DNMT1: variants seen among roughly 807,000 people sequenced by gnomAD.
The protein encoded by DNMT1 is DNA (cytosine-5)-methyltransferase 1.
Under a neutral mutation model 205.3 loss-of-function variants are expected in DNMT1, and 24 were observed. The ratio of observed to expected loss-of-function variants is 0.12; its 90% CI spans 0.08 to 0.16. The LOEUF is 0.16. DNMT1 is among the 10% of genes least tolerant of loss of function. The pLI is 1.00. For synonymous variants in DNMT1, 817 were observed against 839.8 expected (o/e 0.97, Z 0.47); for missense variants, 1,293 against 2,177.7 (o/e 0.59, Z 8.09).
rs372986537 is a variant in DNMT1, at chr19:10,152,270, T to TAAAA, written c.2020-427_2020-424dup. ...TTAAGACTTTTAGGTCTCAAAAAAT[T>TAAAA]AAAAAAAAAAAAAAAAAGTGAGTCA... On this transcript the variant is annotated intron_variant, in intron 22 of 40. Transcript: ENST00000359526. Among the ~76,000 whole-genome samples the TAAAA allele has an allele frequency of 1.2e-4, 12 of 97,726 alleles. 1 individual carries two copies. Among genetic ancestry groups the TAAAA allele is most frequent in the Non-Finnish European group, 2.4e-4 (11 of 46,152 alleles). The allele number at this position is 97,726 out of a possible 152,430, so 64.1% of individuals were successfully genotyped here.
intron 30 of DNMT1, 126 bp downstream of exon 30, chr19:10,141,902 C>A: frequency 8.5e-7 from 1 of 1,181,924 alleles, no homozygotes; most frequent in South Asian, 1.5e-5. Flanking sequence ...TTCACGTCAG[C>A]CAACCACCCA....
intron 29 of DNMT1, among the ~76,000 whole-genome samples, chr19:10,142,587 C>A (rs771136516): frequency 2.0e-5 from 3 of 149,462 alleles, no homozygotes; most frequent in Middle Eastern, 3.9e-3. Flanking sequence ...AAGGTAGATT[C>A]CCCCACAATT....
intron 14 of DNMT1, 99 bp downstream of exon 14, chr19:10,160,285 G>A: frequency 6.3e-7 from 1 of 1,578,708 alleles, no homozygotes; most frequent in Non-Finnish European, 8.7e-7. Flanking sequence ...ATGAGCCTAA[G>A]GTTGCTCTGG....
intron 9 of DNMT1, 61 bp downstream of exon 9, chr19:10,173,029 G>A: frequency 6.3e-7 from 1 of 1,599,610 alleles, no homozygotes; most frequent in Non-Finnish European, 8.6e-7. Flanking sequence ...GTCCTGGAAG[G>A]AAATTGGGAC....
chr19:10,173,267 A>T, intron 8 of DNMT1, 93 bp from the exon 9 acceptor site: 1 of 1,234,224 alleles, frequency 8.1e-7, no homozygotes, highest in Non-Finnish European at 1.2e-6. Flanking sequence ...CCCCAAAAGC[A>T]ATCTTCATTA....
Position 10,137,152 on chromosome 19 carries a change from G to GTAA in DNMT1, c.4421_4422insTTA (p.Thr1474_His1475insTyr). 1 of 1,610,356 alleles carries GTAA rather than the reference G, an allele frequency of 6.2e-7. No individual in the cohort carries two copies. Among genetic ancestry groups the GTAA allele is most frequent in the Non-Finnish European group, 8.5e-7 (1 of 1,179,006 alleles). On this transcript the variant is annotated inframe_insertion, in exon 37 of 41. Coordinates refer to ENST00000359526, the MANE Select transcript of DNMT1 (RefSeq NM_001130823.3). The surrounding 1 kb of genome is among the most constrained non-coding windows in gnomAD (Gnocchi z 6.4). ...TGCGGCCGTTCTTCCTGTCATGGTG[G>GTAA]GTATACCGCAGCTTCCTGGCCATGG...
At position 10,175,120 on chromosome 19, in the gene DNMT1, CACACACACATAT is replaced by C. The variant is rs1486083764; in HGVS notation, c.648+408_648+419del. ...ACACACACACACACACACACACACA[CACACACACATAT>C]ATATAACATGTATGTATGTAAGACT... On this transcript the variant is annotated intron_variant, in intron 7 of 40. Coordinates refer to ENST00000359526, the MANE Select transcript of DNMT1 (RefSeq NM_001130823.3). Among the ~76,000 whole-genome samples the C allele has an allele frequency of 2.4e-4, 29 of 122,370 alleles. No individual in the cohort carries two copies. In the South Asian group the frequency reaches 8.0e-3, roughly 34 times the overall value. The allele number at this position is 122,370 out of a possible 152,430, so 80.3% of individuals were successfully genotyped here. A position where few individuals can be genotyped will look rare whatever the true frequency, so the allele number is the denominator to read the frequency against.
At position 10,156,938 on chromosome 19, in the gene DNMT1, C is replaced by T. The variant is rs376223108; in HGVS notation, c.1281-429G>A. Among the ~76,000 whole-genome samples the T allele has an allele frequency of 5.3e-5, 8 of 152,172 alleles. No individual in the cohort carries two copies. The highest frequency in any genetic ancestry group is 3.4e-3 in the Middle Eastern group (1 of 294). Reference sequence around the variant, plus strand: ...GGCCCCGACACTCATTTTTTGGTTGCGGGAACACTGGATTAAGACAGCGTT... The same window carrying T: ...GGCCCCGACACTCATTTTTTGGTTGTGGGAACACTGGATTAAGACAGCGTT... On this transcript the variant is annotated intron_variant, in intron 17 of 40. Transcript: ENST00000359526. This position sits in a 1 kb window ranked among gnomAD's most constrained non-coding sequence, Gnocchi z 4.2.
At chr19:10,160,542 T>A in intron 13 of DNMT1, 124 bp from the exon 14 acceptor site, 1 of 1,011,460 alleles carries the variant, frequency 9.9e-7, no homozygotes, top group South Asian at 1.3e-5. Flanking sequence ...AGGGAGGCAG[T>A]GAGAGGGCCA....
At chr19:10,158,706 A>C in intron 17 of DNMT1, among the ~76,000 whole-genome samples, 1 of 152,142 alleles carries the variant, frequency 6.6e-6, no homozygotes, top group East Asian at 1.9e-4. Context: ...CCCTCAGAGG[A>C]CAGGAGAGTC....
intron 13 of DNMT1, 49 bp downstream of exon 13, chr19:10,162,618 G>C: frequency 7.0e-7 from 1 of 1,427,782 alleles, no homozygotes; most frequent in Non-Finnish European, 9.5e-7. Context: ...CCCCGTCTTG[G>C]GGAAAAAAAA....
chr19:10,166,653 T>G lies in DNMT1; in HGVS notation c.836A>C (p.Asp279Ala). The G allele has an allele frequency of 6.2e-7, 1 of 1,614,220 alleles. No individual in the cohort carries two copies. The highest frequency in any genetic ancestry group is 8.5e-7 in the Non-Finnish European group (1 of 1,180,032). The stretch of plus-strand genomic sequence containing the variant: ...CTGCACGCCTGCCCTGGCTTCTCTG[T>G]CCGGCTCCTCCTTCAGTTTCTGTTT... ...TPKQKLKEEP[D>A]REARAGVQAD... The change falls in exon 11 of 41, where the codon GAC (aspartate) becomes GCC (alanine). Residue 279 changes from aspartate (D) to alanine (A), a missense_variant. Around this residue, in one of 13 missense-constraint regions of DNMT1, gnomAD observed 394 missense variants for 451.6 expected, o/e 0.87. Coordinates refer to ENST00000359526, the MANE Select transcript of DNMT1 (RefSeq NM_001130823.3).
At chr19:10,143,682 T>C (rs988354652) in intron 29 of DNMT1, 84 bp downstream of exon 29, 10 of 1,474,278 alleles carry the variant, frequency 6.8e-6, no homozygotes, top group Non-Finnish European at 9.5e-6. Context: ...AGAACAACTG[T>C]GGGTGCTATG....
intron 1 of DNMT1, among the ~76,000 whole-genome samples, chr19:10,185,133 C>A (rs886466384): frequency 6.6e-6 from 1 of 152,140 alleles, no homozygotes; most frequent in Non-Finnish European, 1.5e-5. Context: ...TTAGGAAAGA[C>A]CATTCTGTAG....
chr19:10,184,670 G>A (rs1408935764), intron 1 of DNMT1: 1 of 152,210 alleles, frequency 6.6e-6, no homozygotes, highest in Non-Finnish European at 1.5e-5. Flanking sequence ...AAAGGAACAA[G>A]AAGAGAAGGT....
At chr19:10,184,829 T>C (rs969853046) in intron 1 of DNMT1, among the ~76,000 whole-genome samples, 7 of 152,204 alleles carry the variant, frequency 4.6e-5, no homozygotes, top group Non-Finnish European at 1.0e-4. Flanking sequence ...CTGCCATCTC[T>C]GGACCTTTCC....
intron 9 of DNMT1, among the ~76,000 whole-genome samples, chr19:10,169,429 C>T (rs1162893960): frequency 2.7e-5 from 4 of 146,968 alleles, no homozygotes; most frequent in Admixed American, 6.8e-5. Context: ...TGTTGGCGGG[C>T]GCCTGCAGTC....
At chr19:10,179,660 C>T (rs8104968) in intron 5 of DNMT1, among the ~76,000 whole-genome samples, 87 of 152,220 alleles carry the variant, frequency 5.7e-4, no homozygotes, top group African/African-American at 1.9e-3. Flanking sequence ...TAACTGCCCC[C>T]TTATATGCTA....
rs115024008 is a variant in DNMT1 at position 10,144,693 on chromosome 19, G to A, written c.2895-706C>T. The A allele has an allele frequency of 9.9e-3, 1,528 of 153,984 alleles. 34 individuals are homozygous for A. Among genetic ancestry groups the A allele is most frequent in the African/African-American group, 0.034 (1,410 of 41,546 alleles). 9.5% of individuals were successfully genotyped at this position (153,984 alleles called of 1,614,324 possible). ...CAGATATCCAAGGGACACAACAGGT[G>A]GAGTCCTCTGCTGACCTGTGATGGG... is the stretch of plus-strand genomic sequence containing the variant. On this transcript the variant is annotated intron_variant, in intron 28 of 40. Transcript: ENST00000359526.
Sources: allele counts gnomAD v4.1 joint callset (sites outside exome capture counted in the v4.1 genomes callset), GRCh38; gene constraint gnomAD v4.1.1; regional missense constraint gnomAD v4.1.1; non-coding constraint Gnocchi (gnomAD v3.1); transcripts MANE v1.5; gene names NCBI Gene and HGNC (gene_info 2026-07-23, HGNC 2026-07-21).